ARHGAP6: variants seen among roughly 807,000 people sequenced by gnomAD.
The protein encoded by ARHGAP6 is Rho GTPase activating protein 6.
Under a neutral mutation model 55.7 loss-of-function variants are expected in ARHGAP6, and 16 were observed. That is an observed-to-expected ratio of 0.29 (90% CI 0.19 to 0.44). The LOEUF (loss-of-function observed/expected upper bound fraction) is 0.44. Among genes scored for constraint, ARHGAP6 ranks in the 20% least tolerant of loss-of-function variants. The probability of loss-of-function intolerance (pLI) is 1.00; values close to 1 mark genes in which losing one functional copy is unlikely to be tolerated. For synonymous variants in ARHGAP6, 382 were observed against 360.9 expected, an observed-to-expected ratio of 1.06 and a Z score of -0.66; for missense variants, 698 against 808.9, an observed-to-expected ratio of 0.86 and a Z score of 1.66.
intron 1 of ARHGAP6, among the ~76,000 whole-genome samples, chrX:11,538,537 A>G (rs1303784323): frequency 9.0e-6 from 1 of 111,693 alleles, no homozygotes; most frequent in Non-Finnish European, 1.9e-5. Flanking sequence ...TGCAGATTTC[A>G]GGAAGAACTC....
At chrX:11,417,054 G>T (rs2049756663) in intron 1 of ARHGAP6, among the ~76,000 whole-genome samples, 1 of 56,345 alleles carries the variant, frequency 1.8e-5, no homozygotes, top group Non-Finnish European at 3.3e-5. Context: ...TTATATGGGT[G>T]TGTACATATA....
intron 5 of ARHGAP6, among the ~76,000 whole-genome samples, chrX:11,184,032 G>A (rs1048967537): frequency 8.9e-6 from 1 of 111,864 alleles, no homozygotes; most frequent in Non-Finnish European, 1.9e-5. Context: ...GCCACATGAA[G>A]AGAACTGTCT....
At chrX:11,167,335 ATG>A (rs1052279159) in intron 9 of ARHGAP6, among the ~76,000 whole-genome samples, 1 of 109,198 alleles carries the variant, frequency 9.2e-6, no homozygotes, top group Non-Finnish European at 1.9e-5. Flanking sequence ...GGGAGTGATG[ATG>A]TGTGTGTGTG....
chrX:11,410,781 C>T (rs930511619), intron 1 of ARHGAP6, among the ~76,000 whole-genome samples: 2 of 110,824 alleles, frequency 1.8e-5, no homozygotes, highest in Admixed American at 1.9e-4. Flanking sequence ...TTCCGGCTCT[C>T]GCAAGACAGT....
At chrX:11,547,319 T>C (rs2051221208) in intron 1 of ARHGAP6, among the ~76,000 whole-genome samples, 1 of 112,294 alleles carries the variant, frequency 8.9e-6, no homozygotes, top group African/African-American at 3.2e-5. Flanking sequence ...ACTTCTTAAA[T>C]TTGAATGTGC....
chrX:11,466,453 C>T (rs2050294285), intron 1 of ARHGAP6, among the ~76,000 whole-genome samples: 1 of 109,543 alleles, frequency 9.1e-6, no homozygotes, highest in African/African-American at 3.3e-5. Context: ...TACCACACCT[C>T]ACTTGTTTTA....
intron 1 of ARHGAP6, among the ~76,000 whole-genome samples, chrX:11,578,306 C>T (rs2051625693): frequency 9.0e-6 from 1 of 111,555 alleles, no homozygotes; most frequent in Non-Finnish European, 1.9e-5. Flanking sequence ...TTATCACTTC[C>T]ACTCTGCACA....
chrX:11,354,294 TTTCTC>T (rs2048900386), intron 1 of ARHGAP6, among the ~76,000 whole-genome samples: 4 of 59,866 alleles, frequency 6.7e-5, no homozygotes, highest in African/African-American at 6.2e-5. Context: ...TCTCTCTCTC[TTTCTC>T]TCTCTCTCTC....
At chrX:11,375,287 A>G (rs2049187948) in intron 1 of ARHGAP6, among the ~76,000 whole-genome samples, 1 of 112,271 alleles carries the variant, frequency 8.9e-6, no homozygotes, top group South Asian at 3.7e-4. Flanking sequence ...TGCAATGTCC[A>G]TACATGAAAG....
chrX:11,579,608 A>G (rs763624158), intron 1 of ARHGAP6, among the ~76,000 whole-genome samples: 1 of 112,084 alleles, frequency 8.9e-6, no homozygotes, highest in Non-Finnish European at 1.9e-5. Context: ...AAAATTCCCT[A>G]AGGGTCACTT....
Position 11,335,846 on chromosome X carries a change from C to T in ARHGAP6, c.589-81139G>A, listed in dbSNP as rs560749421. On this transcript the variant is annotated intron_variant, in intron 1 of 12. Coordinates refer to ENST00000337414, the MANE Select transcript of ARHGAP6 (RefSeq NM_013427.3). ...TCTGGCAGAGGCCATGGTGGGGAGG[C>T]CTAGGTAAAAGGTGGCAGCGATCCC... 1.9e-3 allele frequency: 435 copies of T among 227,248 alleles called. 2 individuals carry two copies. Among genetic ancestry groups the T allele is most frequent in the Middle Eastern group, 5.6e-3 (3 of 537 alleles). 18.7% of individuals were successfully genotyped at this position (227,248 alleles called of 1,213,427 possible). A position where few individuals can be genotyped will look rare whatever the true frequency, so the allele number is the denominator to read the frequency against.
intron 1 of ARHGAP6, among the ~76,000 whole-genome samples, chrX:11,527,011 A>AGTGTGTGT (rs59668043): frequency 0.011 from 889 of 81,034 alleles, 8 homozygotes; most frequent in Admixed American, 0.034. Flanking sequence ...TAATATGAGG[A>AGTGTGTGT]GTGTGTGTGT....
At chrX:11,477,054 A>T (rs762182926) in intron 1 of ARHGAP6, among the ~76,000 whole-genome samples, 1 of 110,564 alleles carries the variant, frequency 9.0e-6, no homozygotes, top group South Asian at 3.9e-4. Flanking sequence ...TAGGAAAAAA[A>T]TATCCACAAT....
chrX:11,540,200 G>T (rs1164633562), intron 1 of ARHGAP6, among the ~76,000 whole-genome samples: 1 of 106,667 alleles, frequency 9.4e-6, no homozygotes, highest in Non-Finnish European at 1.9e-5. Flanking sequence ...GTTGCAGTGA[G>T]CCGAGATCAC....
chrX:11,427,036 C>T (rs1470474794), intron 1 of ARHGAP6, among the ~76,000 whole-genome samples: 1 of 110,516 alleles, frequency 9.0e-6, no homozygotes, highest in African/African-American at 3.3e-5. Flanking sequence ...CATTCTGTCC[C>T]GCCACAAAGT....
chrX:11,225,782 C>T (rs765514732), intron 2 of ARHGAP6: 4 of 406,486 alleles, frequency 9.8e-6, no homozygotes, highest in African/African-American at 8.1e-5. Flanking sequence ...TAACACAATA[C>T]GTTCTTATAA....
chrX:11,374,798 C>T (rs771303118), intron 1 of ARHGAP6, among the ~76,000 whole-genome samples: 1 of 111,808 alleles, frequency 8.9e-6, no homozygotes, highest in South Asian at 3.8e-4. Context: ...GATAGCAAGC[C>T]GTTAACAATG....
intron 1 of ARHGAP6, among the ~76,000 whole-genome samples, chrX:11,306,827 G>A (rs1320286035): frequency 8.9e-6 from 1 of 112,110 alleles, no homozygotes; most frequent in African/African-American, 3.2e-5. Context: ...ATATACTAGA[G>A]AGCTAACTGT....
intron 2 of ARHGAP6, among the ~76,000 whole-genome samples, chrX:11,221,861 G>A (rs1276087881): frequency 9.0e-6 from 1 of 110,826 alleles, no homozygotes; most frequent in Admixed American, 9.6e-5. Flanking sequence ...CTGATGGGTG[G>A]TTTTCGATCC....
Sources: gnomAD v4.1 joint callset for allele counts (sites outside exome capture counted in the v4.1 genomes callset) on GRCh38, gnomAD v4.1.1 for gene constraint, MANE v1.5 for transcripts, NCBI Gene and HGNC (gene_info 2026-07-23, HGNC 2026-07-21) for gene names.